Variants in NBEA observed in about 807,000 individuals in gnomAD.
NBEA encodes neurobeachin.
NBEA carries 44 observed loss-of-function variants against 343.4 expected under a neutral mutation model. The observed-to-expected ratio is 0.13, with a 90% CI of 0.10 to 0.16. The LOEUF (loss-of-function observed/expected upper bound fraction) is 0.16. Among genes scored for constraint, NBEA ranks in the 10% least tolerant of loss-of-function variants. The pLI, the probability that NBEA is intolerant of heterozygous loss-of-function variation, is 1.00. For missense variants in NBEA, 2,555 were observed against 3,631.3 expected, an observed-to-expected ratio of 0.70 and a Z score of 7.62; for synonymous variants, 1,175 against 1,238.7, an observed-to-expected ratio of 0.95 and a Z score of 1.08.
At chr13:35,020,465 G>A (rs1253735843) in intron 1 of NBEA, among the ~76,000 whole-genome samples, 1 of 152,060 alleles carries the variant, frequency 6.6e-6, no homozygotes, top group East Asian at 1.9e-4. Context: ...GCTGTTGGAT[G>A]GTATGTATGC....
In NBEA at chr13:34,988,972, A is replaced by C. The variant is rs111255351; in HGVS notation, c.294+45858A>C. 6.6e-5 allele frequency among the ~76,000 whole-genome samples: 10 copies of C among 151,036 alleles called. No individual in the cohort carries two copies. The East Asian group carries it at 1.9e-3, about 29-fold the overall frequency. ...TACTGATACTGGATTTAGGCCTTCT[A>C]TCTTACTACTATTTGTTGTTTCTTT... On this transcript the variant is annotated intron_variant, in intron 1 of 58. Transcript: ENST00000379939.
intron 34 of NBEA, among the ~76,000 whole-genome samples, chr13:35,264,290 C>A (rs529741802): frequency 2.0e-5 from 3 of 151,742 alleles, no homozygotes; most frequent in Non-Finnish European, 4.4e-5. Flanking sequence ...AAGAAAAGCC[C>A]AGGATCTGAT....
At chr13:35,518,284 A>G (rs1566255379) in intron 41 of NBEA, among the ~76,000 whole-genome samples, 1 of 152,182 alleles carries the variant, frequency 6.6e-6, no homozygotes, top group Non-Finnish European at 1.5e-5. Context: ...ATATATTTAG[A>G]TATATCTTAA....
At chr13:35,071,344 T>A (rs1305122464) in intron 10 of NBEA, among the ~76,000 whole-genome samples, 1 of 151,992 alleles carries the variant, frequency 6.6e-6, no homozygotes, top group Admixed American at 6.6e-5. Flanking sequence ...CAGCCCTTAT[T>A]TATATATAGT....
At chr13:35,271,662 T>A (rs1208472796) in intron 34 of NBEA, among the ~76,000 whole-genome samples, 2 of 152,154 alleles carry the variant, frequency 1.3e-5, no homozygotes, top group Admixed American at 1.3e-4. Flanking sequence ...AGAGCTTAAG[T>A]GACCTGATGG....
chr13:35,342,656 A>C (rs572700494), intron 36 of NBEA, among the ~76,000 whole-genome samples: 1 of 152,100 alleles, frequency 6.6e-6, no homozygotes, highest in South Asian at 2.1e-4. Flanking sequence ...GTTAGAAGGG[A>C]TTGTTACATA....
chr13:35,201,531 T>G (rs1361285679), intron 31 of NBEA, among the ~76,000 whole-genome samples: 1 of 152,040 alleles, frequency 6.6e-6, no homozygotes, highest in African/African-American at 2.4e-5. Context: ...GATACATATT[T>G]AACATCCACA....
intron 38 of NBEA, among the ~76,000 whole-genome samples, chr13:35,411,730 T>C (rs191717935): frequency 2.0e-4 from 30 of 152,148 alleles, no homozygotes; most frequent in Non-Finnish European, 7.4e-5. Flanking sequence ...ACTCTTGGGC[T>C]CAAGCAATCC....
At chr13:35,313,944 C>G (rs1038758585) in intron 36 of NBEA, among the ~76,000 whole-genome samples, 1 of 151,916 alleles carries the variant, frequency 6.6e-6, no homozygotes, top group Non-Finnish European at 1.5e-5. Context: ...AGAGGGGTTA[C>G]TTTTTAGAAT....
chr13:35,470,440 C>T (rs2075592868), intron 40 of NBEA, among the ~76,000 whole-genome samples: 1 of 151,988 alleles, frequency 6.6e-6, no homozygotes, highest in Non-Finnish European at 1.5e-5. Context: ...AAGTAATTCA[C>T]CATTTTTAGT....
intron 34 of NBEA, among the ~76,000 whole-genome samples, 192 bp downstream of exon 34, chr13:35,232,811 C>T (rs2152770976): frequency 6.6e-6 from 1 of 151,930 alleles, no homozygotes; most frequent in East Asian, 1.9e-4. Flanking sequence ...TGGTCAATGC[C>T]AGTAAGAAAA....
intron 1 of NBEA, among the ~76,000 whole-genome samples, chr13:34,986,166 G>A (rs1189688421): frequency 3.3e-5 from 5 of 150,310 alleles, no homozygotes; most frequent in African/African-American, 1.2e-4. Context: ...TCTCTTGTGG[G>A]CATTTAGTGC....
At chr13:35,557,673 TAAC>T (rs1341024396) in intron 44 of NBEA, among the ~76,000 whole-genome samples, 1 of 152,102 alleles carries the variant, frequency 6.6e-6, no homozygotes, top group African/African-American at 2.4e-5. Flanking sequence ...GGATAAAAAT[TAAC>T]AATAGGGACT....
chr13:35,030,922 A>G (rs1480343962), intron 1 of NBEA, among the ~76,000 whole-genome samples: 1 of 151,632 alleles, frequency 6.6e-6, no homozygotes, highest in Non-Finnish European at 1.5e-5. Flanking sequence ...AGAATTACAT[A>G]TATTAATTGT....
At chr13:35,108,198 C>T (rs1179598130) in intron 11 of NBEA, among the ~76,000 whole-genome samples, 2 of 151,856 alleles carry the variant, frequency 1.3e-5, no homozygotes, top group Non-Finnish European at 2.9e-5. Context: ...GTGATGTGTG[C>T]TTCAGGATTG....
intron 38 of NBEA, among the ~76,000 whole-genome samples, chr13:35,417,141 G>A (rs1475417511): frequency 1.3e-5 from 2 of 151,680 alleles, no homozygotes; most frequent in East Asian, 3.9e-4. Context: ...TTCTTTATTA[G>A]TCTTGCTAGC....
chr13:35,043,800 T>C (rs2062745453), intron 2 of NBEA, among the ~76,000 whole-genome samples: 1 of 151,998 alleles, frequency 6.6e-6, no homozygotes, highest in Non-Finnish European at 1.5e-5. Flanking sequence ...ATTCCAGTTA[T>C]TAATCTGTGA....
At chr13:35,343,637 C>T (rs1238162333) in intron 36 of NBEA, among the ~76,000 whole-genome samples, 6 of 152,056 alleles carry the variant, frequency 3.9e-5, no homozygotes, top group African/African-American at 1.2e-4. Context: ...GGCATCACCG[C>T]CTGAGCTCCG....
chr13:35,492,173 G>C (rs1428193963), intron 41 of NBEA, among the ~76,000 whole-genome samples: 2 of 151,864 alleles, frequency 1.3e-5, no homozygotes, highest in East Asian at 1.9e-4. Flanking sequence ...CAATGACACA[G>C]TGGAGTTTGG....
Sources: allele counts gnomAD v4.1 joint callset (sites outside exome capture counted in the v4.1 genomes callset), GRCh38; gene constraint gnomAD v4.1.1; transcripts MANE v1.5; gene names NCBI Gene and HGNC (gene_info 2026-07-23, HGNC 2026-07-21).